Variants in CZIB observed in about 807,000 individuals in gnomAD.
CZIB encodes the protein CXXC motif containing zinc binding protein, also known as UPF0587 protein C1orf123.
In CZIB, 26 loss-of-function variants were observed where a neutral mutation model predicts 28.3. The observed-to-expected ratio is 0.92, with a 90% CI of 0.67 to 1.27. CZIB has a LOEUF of 1.27. CZIB is among the 50% of genes most tolerant of loss of function. The pLI is 0.00. For synonymous variants in CZIB, 78 were observed against 71.1 expected (o/e 1.10, Z -0.49); for missense variants, 179 against 197.3 (o/e 0.91, Z 0.56).
intron 3 of CZIB, 85 bp from the exon 4 acceptor site, chr1:53,218,580 C>A (rs1645489733): frequency 2.2e-6 from 3 of 1,349,472 alleles, no homozygotes; most frequent in African/African-American, 2.9e-5. Context: ...TTATTGTCCA[C>A]TTAAAGAGAC....
rs1645456694 is a variant in CZIB, at chr1:53,214,585, G to A, written c.*74C>T. The stretch of plus-strand genomic sequence containing the variant: ...CAGGAGACAAGGGTCAAAGGAACGA[G>A]CCTCTGTGGGCTCTGCTGCTTAGAG... On this transcript the variant is annotated 3_prime_UTR_variant, in exon 8 of 8. Coordinates refer to ENST00000294360, the MANE Select transcript of CZIB (RefSeq NM_017887.3). The A allele has an allele frequency of 7.6e-7, 1 of 1,314,256 alleles. No homozygotes were observed. Among genetic ancestry groups the A allele is most frequent in the African/African-American group, 1.5e-5 (1 of 68,810 alleles). The allele number at this position is 1,314,256 out of a possible 1,614,324, so 81.4% of individuals were successfully genotyped here. A position where few individuals can be genotyped will look rare whatever the true frequency, so the allele number is the denominator to read the frequency against.
At chr1:53,215,938 A>G in intron 7 of CZIB, 53 bp downstream of exon 7, 1 of 1,574,216 alleles carries the variant, frequency 6.4e-7, no homozygotes, top group Middle Eastern at 1.7e-4. Flanking sequence ...CACCAAAAAA[A>G]TAATTCCCAC....
Position 53,218,863 on chromosome 1 carries a change from T to A in CZIB, c.147+4A>T. 1 of 1,611,808 alleles carries A rather than the reference T, an allele frequency of 6.2e-7. No individual in the cohort carries two copies. Among genetic ancestry groups the A allele is most frequent in the Non-Finnish European group, 8.5e-7 (1 of 1,178,168 alleles). On this transcript the variant is annotated splice_donor_region_variant and intron_variant, in intron 3 of 7. Transcript: ENST00000294360. ...ATGTTGGGGGTTGGGCGGGGAACAG[T>A]TACCATCAGCCGGATGTACTGCCAC... is the stretch of plus-strand genomic sequence containing the variant.
At chr1:53,216,332 C>T (rs1158290300) in intron 6 of CZIB, among the ~76,000 whole-genome samples, 4 of 152,190 alleles carry the variant, frequency 2.6e-5, no homozygotes, top group African/African-American at 9.7e-5. Flanking sequence ...GGCTCCTGGG[C>T]ATGTCATTTC....
rs139598192 is a variant in CZIB, at chr1:53,216,829, C to G, written c.292G>C (p.Val98Leu). Reference protein sequence around the residue: ...AEDNENFKTIVEFECRGLEPV... With the variant: ...AEDNENFKTILEFECRGLEPV... ...TCAAGGCCCCGGCACTCAAACTCCA[C>G]TATTGTCTTGAAGTTCTCATTGTCT... The change falls in exon 6 of 8, where the codon GTG becomes CTG. Residue 98 changes from valine to leucine, a missense_variant. Val to Leu is a conservative substitution (Grantham distance 32). Coordinates refer to ENST00000294360, the MANE Select transcript of CZIB (RefSeq NM_017887.3). 71 of 1,614,086 alleles carry G rather than the reference C, an allele frequency of 4.4e-5. No individual in the cohort carries two copies. The highest frequency in any genetic ancestry group is 5.8e-5 in the Non-Finnish European group (68 of 1,180,026).
At position 53,218,863 on chromosome 1, in the gene CZIB, T is replaced by C; in HGVS notation, c.147+4A>G. The stretch of plus-strand genomic sequence containing the variant: ...ATGTTGGGGGTTGGGCGGGGAACAG[T>C]TACCATCAGCCGGATGTACTGCCAC... On this transcript the variant is annotated splice_donor_region_variant and intron_variant, in intron 3 of 7. Transcript: ENST00000294360. 1 of 1,611,808 alleles carries C rather than the reference T, an allele frequency of 6.2e-7. No homozygotes were observed. Among genetic ancestry groups the C allele is most frequent in the Non-Finnish European group, 8.5e-7 (1 of 1,178,168 alleles).
rs1045410577 is a variant in CZIB, at chr1:53,220,206, T to G, written c.90+55A>C. ...CATACTGCCGGAGAGAAGGCTCCGG[T>G]TCAGCACTGAGATCAGGACGGGCCT... On this transcript the variant is annotated intron_variant, in intron 2 of 7. Transcript: ENST00000294360. 34 of 1,477,550 alleles carry G rather than the reference T, an allele frequency of 2.3e-5. No homozygotes were observed. In the African/African-American group the frequency reaches 4.6e-4, roughly 20 times the overall value. 91.5% of individuals were successfully genotyped at this position (1,477,550 alleles called of 1,614,324 possible).
chr1:53,218,247 C>G, intron 4 of CZIB, 44 bp from the exon 5 acceptor site: 5 of 1,610,986 alleles, frequency 3.1e-6, no homozygotes, highest in Non-Finnish European at 4.2e-6. Context: ...AGTCCATACC[C>G]TCGCCCCAGC....
In CZIB at chr1:53,218,201, T is replaced by C. The variant is rs1464840507; in HGVS notation, c.232A>G (p.Ile78Val). 3.7e-6 allele frequency: 6 copies of C among 1,614,148 alleles called. No homozygotes were observed. Among genetic ancestry groups the C allele is most frequent in the Non-Finnish European group, 5.1e-6 (6 of 1,179,994 alleles). ...KLCARENSIE[I>V]LSSTIKPYNA... ...TAAGGCTTGATGGTGCTGCTTAAAA[T>C]CTCTGAAATAGAAAAGAGAACACAA... The change falls in exon 5 of 8, where the codon ATT becomes GTT. Residue 78 changes from isoleucine (I) to valine (V), a missense_variant and splice_region_variant. Transcript: ENST00000294360.
intron 6 of CZIB, 96 bp from the exon 7 acceptor site, chr1:53,216,152 T>A (rs758369506): frequency 3.6e-5 from 42 of 1,161,032 alleles, no homozygotes; most frequent in Non-Finnish European, 3.1e-5. Context: ...CTCACACTTC[T>A]GGGATGGAGG....
Position 53,218,466 on chromosome 1 carries a change from G to A in CZIB, c.177C>T (p.Gly59=), listed in dbSNP as rs1359946668. Residue 59 remains glycine, a synonymous_variant, in exon 4 of 8, where the codon GGC becomes GGT. Transcript: ENST00000294360. ...MDSVALKGGR[G]SASMVQKCKL... ...TGCACTTCTGGACCATGGAAGCACT[G>A]CCACGGCCCCCCTTCAGTGCCACAC... is the stretch of plus-strand genomic sequence containing the variant. The A allele has an allele frequency of 1.9e-6, 3 of 1,614,076 alleles. No individual in the cohort carries two copies. In the African/African-American group the frequency reaches 4.0e-5, roughly 22 times the overall value.
chr1:53,218,407 G>T lies in CZIB; in HGVS notation c.229+7C>A. 6.2e-7 allele frequency: 1 copy of T among 1,614,110 alleles called. No homozygotes were observed. The highest frequency in any genetic ancestry group is 8.5e-7 in the Non-Finnish European group (1 of 1,179,998). On this transcript the variant is annotated splice_region_variant and intron_variant, in intron 4 of 7. Coordinates refer to ENST00000294360, the MANE Select transcript of CZIB (RefSeq NM_017887.3). Reference sequence around the variant, plus strand: ...TGGCAGAACTCAGTACGCACAGCCTGACCTACCGATGGAATTTTCTCTTGC... The same window carrying T: ...TGGCAGAACTCAGTACGCACAGCCTTACCTACCGATGGAATTTTCTCTTGC...
chr1:53,216,862 A>C lies in CZIB; in HGVS notation c.262-3T>G. The stretch of plus-strand genomic sequence containing the variant: ...TTGAAGTTCTCATTGTCTTCAGCCT[A>C]GAAAGGAAGTGTGTTGAGGAGGCAG... On this transcript the variant is annotated splice_region_variant and splice_polypyrimidine_tract_variant and intron_variant, in intron 5 of 7. Coordinates refer to ENST00000294360, the MANE Select transcript of CZIB (RefSeq NM_017887.3). 1 of 1,613,968 alleles carries C rather than the reference A, an allele frequency of 6.2e-7. No individual in the cohort carries two copies. Among genetic ancestry groups the C allele is most frequent in the Non-Finnish European group, 8.5e-7 (1 of 1,179,804 alleles).
At position 53,214,503 on chromosome 1, in the gene CZIB, G is replaced by T; in HGVS notation, c.*156C>A. 1 of 629,732 alleles carries T rather than the reference G, an allele frequency of 1.6e-6. No homozygotes were observed. The highest frequency in any genetic ancestry group is 1.9e-5 in the South Asian group (1 of 52,028). 39.0% of individuals were successfully genotyped at this position (629,732 alleles called of 1,614,324 possible). On this transcript the variant is annotated 3_prime_UTR_variant, in exon 8 of 8. Coordinates refer to ENST00000294360, the MANE Select transcript of CZIB (RefSeq NM_017887.3). ...CGTGAACAGGGGCTTTATTGATGGG[G>T]CTTGGGAAGCTGTAATAAAGTCCAG...
In CZIB at chr1:53,215,988, T is replaced by C; in HGVS notation, c.405+3A>G. ...TACCTCCCAAAGCCCCCAAGTCTCA[T>C]ACCTTCTCCTGCAGATTAATGTCAC... On this transcript the variant is annotated splice_donor_region_variant and intron_variant, in intron 7 of 7. Coordinates refer to ENST00000294360, the MANE Select transcript of CZIB (RefSeq NM_017887.3). 6.2e-7 allele frequency: 1 copy of C among 1,613,990 alleles called. No individual in the cohort carries two copies. The highest frequency in any genetic ancestry group is 8.5e-7 in the Non-Finnish European group (1 of 1,179,888).
intron 2 of CZIB, 66 bp from the exon 3 acceptor site, chr1:53,218,989 G>A (rs1380249870): frequency 7.2e-7 from 1 of 1,395,674 alleles, no homozygotes; most frequent in African/African-American, 1.4e-5. Context: ...GAAAGGGTAA[G>A]AACAGTGGGA....
chr1:53,216,703 G>A (rs1645476210), intron 6 of CZIB, 79 bp downstream of exon 6: 1 of 1,270,708 alleles, frequency 7.9e-7, no homozygotes, highest in Non-Finnish European at 1.2e-6. Context: ...CATGGTATCT[G>A]TAGGTAGCAC....
Position 53,218,530 on chromosome 1 carries a change from T to A in CZIB, c.148-35A>T. The A allele has an allele frequency of 1.9e-6, 3 of 1,598,106 alleles. No individual in the cohort carries two copies. In the South Asian group the frequency reaches 3.3e-5, roughly 18 times the overall value. Reference sequence around the variant, plus strand: ...AGCAAACAGAACTTTCAGTCACATATGAATTAGATGTACAGTCCTGAGGAG... The same window carrying A: ...AGCAAACAGAACTTTCAGTCACATAAGAATTAGATGTACAGTCCTGAGGAG... On this transcript the variant is annotated intron_variant, in intron 3 of 7. Transcript: ENST00000294360.
intron 5 of CZIB, 121 bp from the exon 6 acceptor site, chr1:53,216,980 A>AC (rs1645478353): frequency 3.6e-6 from 3 of 822,712 alleles, no homozygotes; most frequent in Non-Finnish European, 6.2e-6. Flanking sequence ...GAGACCCAGG[A>AC]AGAACTCATC....
Sources: allele counts gnomAD v4.1 joint callset (sites outside exome capture counted in the v4.1 genomes callset), GRCh38; gene constraint gnomAD v4.1.1; transcripts MANE v1.5; gene names NCBI Gene and HGNC (gene_info 2026-07-23, HGNC 2026-07-21).